Variants in HDAC9 observed in about 807,000 individuals in gnomAD.
HDAC9 encodes histone deacetylase 9, also known as MEF-2 interacting transcription repressor (MITR) protein.
In HDAC9, 41 loss-of-function variants were observed where a neutral mutation model predicts 139.4. That is an observed-to-expected ratio of 0.29 (90% CI 0.23 to 0.38). The LOEUF (loss-of-function observed/expected upper bound fraction) is 0.38, where lower values mean the gene tolerates loss of function less well. Among genes scored for constraint, HDAC9 ranks in the 10% least tolerant of loss-of-function variants. The probability of loss-of-function intolerance (pLI) is 1.00; values close to 1 mark genes in which losing one functional copy is unlikely to be tolerated. For synonymous variants in HDAC9, 517 were observed against 476.2 expected (o/e 1.09, Z -1.12); for missense variants, 1,147 against 1,297.0 (o/e 0.88, Z 1.78).
At chr7:18,302,124 G>A (rs925555548) in intron 1 of HDAC9, among the ~76,000 whole-genome samples, 1 of 152,204 alleles carries the variant, frequency 6.6e-6, no homozygotes, top group Non-Finnish European at 1.5e-5. Context: ...AAGGGTGCAA[G>A]TCATACAGCA....
chr7:18,267,473 C>A (rs1187028095), intron 2 of HDAC9, among the ~76,000 whole-genome samples: 1 of 152,052 alleles, frequency 6.6e-6, no homozygotes, highest in African/African-American at 2.4e-5. Flanking sequence ...TTATTAGTAC[C>A]TACCCTTCTA....
chr7:18,648,505 A>C lies in HDAC9; in HGVS notation c.1289A>C (p.Lys430Thr), dbSNP rs766337210. The C allele has an allele frequency of 6.2e-7, 1 of 1,613,440 alleles. No homozygotes were observed. The highest frequency in any genetic ancestry group is 1.7e-5 in the Admixed American group (1 of 59,960). The change falls in exon 11 of 26, where the codon AAA (lysine) becomes ACA (threonine). Residue 430 changes from lysine (K) to threonine (T), a missense_variant. By Grantham distance (78) the Lys-to-Thr change is moderately conservative. Around this residue, in one of 7 missense-constraint regions of HDAC9, gnomAD observed 264 missense variants for 273.8 expected, o/e 0.96. Coordinates refer to ENST00000686413, the MANE Select transcript of HDAC9 (RefSeq NM_178425.4). Reference sequence around the variant, plus strand: ...CATCCTCAGTCTCCCTTGGCAACAAAAGAGAGAATTTCACCTGGCATTAGA... The same window carrying C: ...CATCCTCAGTCTCCCTTGGCAACAACAGAGAGAATTTCACCTGGCATTAGA... ...PLHPQSPLAT[K>T]ERISPGIRGT...
chr7:18,767,306 A>C lies in HDAC9; in HGVS notation c.2214+151A>C, dbSNP rs540340211. Among the ~76,000 whole-genome samples the C allele has an allele frequency of 2.0e-5, 3 of 152,326 alleles. No individual in the cohort carries two copies. The South Asian group carries it at 6.2e-4, about 32-fold the overall frequency. Reference sequence around the variant, plus strand: ...ACTTAATTTGCAGAGCTAAGTGCCAAGTAAAAACGTGGCAGCCCTTGTTAA... The same window carrying C: ...ACTTAATTTGCAGAGCTAAGTGCCACGTAAAAACGTGGCAGCCCTTGTTAA... On this transcript the variant is annotated intron_variant, in intron 16 of 25. Transcript: ENST00000686413.
At chr7:18,964,367 T>G (rs1045142103) in intron 24 of HDAC9, among the ~76,000 whole-genome samples, 2 of 152,234 alleles carry the variant, frequency 1.3e-5, no homozygotes, top group Non-Finnish European at 2.9e-5. Flanking sequence ...ATCAGATTTT[T>G]TTTTAATTTC....
chr7:18,253,439 G>C (rs541325495), intron 2 of HDAC9, among the ~76,000 whole-genome samples: 1 of 152,126 alleles, frequency 6.6e-6, no homozygotes, highest in South Asian at 2.1e-4. Context: ...TTTTATAATA[G>C]CCATTCTTAA....
At chr7:18,356,615 A>G (rs1367010638) in intron 1 of HDAC9, among the ~76,000 whole-genome samples, 2 of 152,088 alleles carry the variant, frequency 1.3e-5, no homozygotes, top group Non-Finnish European at 2.9e-5. Flanking sequence ...GAGTAATTTC[A>G]GTTGAAACTT....
intron 12 of HDAC9, among the ~76,000 whole-genome samples, chr7:18,719,246 A>ACCTTT (rs929541101): frequency 2.0e-5 from 3 of 148,484 alleles, no homozygotes; most frequent in African/African-American, 7.5e-5. Context: ...CTTGTGGGTT[A>ACCTTT]CCTTTCCACT....
intron 16 of HDAC9, among the ~76,000 whole-genome samples, chr7:18,782,076 C>G (rs1011953145): frequency 2.6e-5 from 4 of 152,062 alleles, no homozygotes; most frequent in Non-Finnish European, 4.4e-5. Flanking sequence ...GGCATCTGAT[C>G]ATTATTTAAG....
chr7:18,100,983 A>G (rs953640054), intron 1 of HDAC9, among the ~76,000 whole-genome samples: 2 of 152,106 alleles, frequency 1.3e-5, no homozygotes, highest in African/African-American at 4.8e-5. Flanking sequence ...GAAGTTTTCC[A>G]GTCTGGCTGG....
chr7:18,974,007 A>C (rs1477984081), intron 24 of HDAC9, among the ~76,000 whole-genome samples: 1 of 152,134 alleles, frequency 6.6e-6, no homozygotes, highest in Non-Finnish European at 1.5e-5. Flanking sequence ...GTCATTCAAG[A>C]GTGTGTATTA....
intron 16 of HDAC9, among the ~76,000 whole-genome samples, chr7:18,771,507 C>A (rs540196701): frequency 6.6e-6 from 1 of 151,716 alleles, no homozygotes; most frequent in African/African-American, 2.4e-5. Context: ...AAAATGTAAG[C>A]TCTCCCCTCT....
At chr7:18,834,528 C>G (rs1384258562) in intron 19 of HDAC9, among the ~76,000 whole-genome samples, 1 of 138,124 alleles carries the variant, frequency 7.2e-6, no homozygotes, top group Admixed American at 7.2e-5. Flanking sequence ...TTATATCAGG[C>G]TTTTTTTTTT....
chr7:18,789,308 A>G (rs927581169), intron 16 of HDAC9, among the ~76,000 whole-genome samples: 1 of 150,838 alleles, frequency 6.6e-6, no homozygotes, highest in African/African-American at 2.5e-5. Flanking sequence ...ACACACACAC[A>G]CAGTCTCTCT....
rs371109169 is a variant in HDAC9 at position 18,590,433 on chromosome 7, A to G, written c.362A>G (p.His121Arg). ...QQRQEQEVERHRREQQLPPLR... is the reference protein window; with the variant it reads ...QQRQEQEVERRRREQQLPPLR... ...AGGCAAGAACAGGAAGTAGAGAGGC[A>G]TCGCAGAGAACAGCAGCTTCCTCCT... The change falls in exon 4 of 26, where the codon CAT becomes CGT. Residue 121 changes from histidine (H) to arginine (R), a missense_variant. His to Arg is a conservative substitution (Grantham distance 29). This residue lies in a region of HDAC9 where 136 missense variants were observed against 183.5 expected (regional missense o/e 0.74). Coordinates refer to ENST00000686413, the MANE Select transcript of HDAC9 (RefSeq NM_178425.4). 1.0e-5 allele frequency: 16 copies of G among 1,607,610 alleles called. No individual in the cohort carries two copies. In the Admixed American group the frequency reaches 2.2e-4, roughly 22 times the overall value.
At chr7:18,097,097 G>A (rs1379616045) in intron 1 of HDAC9, among the ~76,000 whole-genome samples, 1 of 152,180 alleles carries the variant, frequency 6.6e-6, no homozygotes, top group Non-Finnish European at 1.5e-5. Context: ...GTGGCCAATG[G>A]CCTGAATTGA....
intron 23 of HDAC9, chr7:18,949,584 C>T (rs114250800): frequency 0.015 from 2,844 of 192,584 alleles, 79 homozygotes; most frequent in African/African-American, 0.061. Context: ...TCTGCTTCAA[C>T]GATGTGCAAT....
At chr7:18,569,949 T>G (rs1250966158) in intron 2 of HDAC9, among the ~76,000 whole-genome samples, 3 of 152,222 alleles carry the variant, frequency 2.0e-5, no homozygotes, top group Non-Finnish European at 4.4e-5. Flanking sequence ...TCTTACTTTT[T>G]GTTACTACTT....
At chr7:18,264,197 C>T (rs1053176787) in intron 2 of HDAC9, among the ~76,000 whole-genome samples, 27 of 152,098 alleles carry the variant, frequency 1.8e-4, no homozygotes, top group African/African-American at 6.5e-4. Context: ...TAGGCATTTC[C>T]ACCCAACAAC....
intron 1 of HDAC9, among the ~76,000 whole-genome samples, chr7:18,318,827 A>G (rs937686304): frequency 6.6e-6 from 1 of 152,152 alleles, no homozygotes; most frequent in Non-Finnish European, 1.5e-5. Flanking sequence ...TCCCTATATC[A>G]TAGGGTGGTG....
Sources: gnomAD v4.1 joint callset for allele counts (sites outside exome capture counted in the v4.1 genomes callset) on GRCh38, gnomAD v4.1.1 for gene constraint, gnomAD v4.1.1 regional missense constraint, MANE v1.5 for transcripts, NCBI Gene and HGNC (gene_info 2026-07-23, HGNC 2026-07-21) for gene names.